Variants in CLIP4 observed in about 807,000 individuals in gnomAD.
CLIP4 encodes CAP-Gly domain containing linker protein family member 4, also known as CAP-Gly domain-containing linker protein 4.
A neutral mutation model predicts 73.1 loss-of-function variants in CLIP4; 47 were observed. The observed-to-expected ratio is 0.64, with a 90% CI of 0.51 to 0.82. CLIP4 has a LOEUF of 0.82. Ranked by LOEUF, CLIP4 falls within the 40% of genes least tolerant of loss-of-function variation. The probability of loss-of-function intolerance (pLI) is 0.00; values close to 1 mark genes in which losing one functional copy is unlikely to be tolerated. For missense variants in CLIP4, 874 were observed against 852.9 expected (o/e 1.02, Z -0.31); for synonymous variants, 306 against 295.4 (o/e 1.04, Z -0.37).
At chr2:29,146,352 A>T (rs1666163790) in intron 8 of CLIP4, among the ~76,000 whole-genome samples, 1 of 152,090 alleles carries the variant, frequency 6.6e-6, no homozygotes, top group South Asian at 2.1e-4. Context: ...GAACTTGGAA[A>T]ACTGGAAAAA....
chr2:29,106,131 A>C (rs1264500973), intron 1 of CLIP4, among the ~76,000 whole-genome samples: 1 of 150,220 alleles, frequency 6.7e-6, no homozygotes, highest in Non-Finnish European at 1.5e-5. Flanking sequence ...TCTTCTATTT[A>C]CTATGTGATC....
chr2:29,104,028 T>A (rs1318772733), intron 1 of CLIP4, among the ~76,000 whole-genome samples: 1 of 151,982 alleles, frequency 6.6e-6, no homozygotes, highest in African/African-American at 2.4e-5. Flanking sequence ...GTTTTTAAAC[T>A]GAGGCCCGCA....
intron 2 of CLIP4, among the ~76,000 whole-genome samples, chr2:29,126,140 C>A (rs1037247710): frequency 1.3e-5 from 2 of 152,260 alleles, no homozygotes; most frequent in East Asian, 1.9e-4. Context: ...TCACTGAGAT[C>A]GGCCACTGCA....
intron 6 of CLIP4, among the ~76,000 whole-genome samples, chr2:29,139,933 A>G (rs1013595464): frequency 2.5e-4 from 38 of 151,426 alleles, no homozygotes; most frequent in Admixed American, 1.3e-3. Context: ...CCATCTTTTC[A>G]TTTTGCTGAT....
intron 14 of CLIP4, among the ~76,000 whole-genome samples, chr2:29,169,382 TCTC>T (rs1241980802): frequency 2.0e-5 from 3 of 149,576 alleles, no homozygotes; most frequent in Non-Finnish European, 4.4e-5. Flanking sequence ...TGTGTCCCAC[TCTC>T]CTCATAAAGA....
chr2:29,107,367 T>TTTTTTTTTTTGTTTTTTTTG (rs1668247893), intron 1 of CLIP4, among the ~76,000 whole-genome samples: 1 of 111,172 alleles, frequency 9.0e-6, no homozygotes, highest in African/African-American at 3.7e-5. Flanking sequence ...AGTTTTTTTT[T>TTTTTTTTTTTGTTTTTTTTG]TTTTTTTTTT....
intron 1 of CLIP4, among the ~76,000 whole-genome samples, chr2:29,119,306 C>T (rs1664092488): frequency 6.6e-6 from 1 of 152,148 alleles, no homozygotes; most frequent in African/African-American, 2.4e-5. Flanking sequence ...CCTGTGGTGA[C>T]TGCTAGTTGT....
At chr2:29,133,540 A>G in intron 4 of CLIP4, 115 bp from the exon 5 acceptor site, 1 of 808,880 alleles carries the variant, frequency 1.2e-6, no homozygotes, top group Non-Finnish European at 1.8e-6. Flanking sequence ...AAATTTTTGA[A>G]GTGTGTCTAT....
chr2:29,167,077 A>G (rs1181305056), intron 13 of CLIP4, among the ~76,000 whole-genome samples: 1 of 152,206 alleles, frequency 6.6e-6, no homozygotes, highest in Non-Finnish European at 1.5e-5. Flanking sequence ...AATCACTCAC[A>G]CAAACTCAGC....
intron 6 of CLIP4, 74 bp downstream of exon 6, chr2:29,135,740 T>A: frequency 9.6e-7 from 1 of 1,036,414 alleles, no homozygotes; most frequent in Non-Finnish European, 1.4e-6. Context: ...ATGTTGAATC[T>A]GAATGTTATT....
chr2:29,165,496 T>G (rs1667549956), intron 13 of CLIP4, among the ~76,000 whole-genome samples: 1 of 152,342 alleles, frequency 6.6e-6, no homozygotes, highest in Non-Finnish European at 1.5e-5. Flanking sequence ...AGTATCAGCA[T>G]GTGTGCCCTT....
chr2:29,150,810 G>A (rs1350417199), intron 8 of CLIP4, among the ~76,000 whole-genome samples: 1 of 151,892 alleles, frequency 6.6e-6, no homozygotes, highest in African/African-American at 2.4e-5. Context: ...AGTAGAGATG[G>A]GGTTTCACCA....
intron 14 of CLIP4, among the ~76,000 whole-genome samples, chr2:29,170,204 G>A (rs990107103): frequency 5.9e-5 from 9 of 152,154 alleles, no homozygotes; most frequent in African/African-American, 2.2e-4. Flanking sequence ...TGGGAATCGT[G>A]CTTCAGTAAA....
At position 29,152,680 on chromosome 2, in the gene CLIP4, C is replaced by G; in HGVS notation, c.1022-5C>G. 6.2e-7 allele frequency: 1 copy of G among 1,611,892 alleles called. No homozygotes were observed. Among genetic ancestry groups the G allele is most frequent in the African/African-American group, 1.3e-5 (1 of 74,942 alleles). On this transcript the variant is annotated splice_region_variant and splice_polypyrimidine_tract_variant and intron_variant, in intron 8 of 15. Coordinates refer to ENST00000320081, the MANE Select transcript of CLIP4 (RefSeq NM_024692.6). ...TTAACACTAAAATTCTGCATTCTCC[C>G]TTAGGTATTTTTGCACCTCTTTCAA...
intron 1 of CLIP4, among the ~76,000 whole-genome samples, chr2:29,117,598 T>C (rs1162906065): frequency 6.6e-6 from 1 of 152,190 alleles, no homozygotes; most frequent in Non-Finnish European, 1.5e-5. Context: ...TCCCGAAGTG[T>C]TGGGATTACA....
At chr2:29,110,585 T>G (rs1668359867), upstream of CLIP4, among the ~76,000 whole-genome samples, 1 of 152,218 alleles carries the variant, frequency 6.6e-6, no homozygotes, top group Admixed American at 6.5e-5. Context: ...TGATATGTAA[T>G]GTATGCTGTA....
chr2:29,150,144 C>G (rs555654003), intron 8 of CLIP4, among the ~76,000 whole-genome samples: 4 of 152,174 alleles, frequency 2.6e-5, no homozygotes, highest in Non-Finnish European at 5.9e-5. Flanking sequence ...CAATTCCACC[C>G]AGCACTGCTG....
chr2:29,151,593 T>C (rs1274305553), intron 8 of CLIP4, among the ~76,000 whole-genome samples: 1 of 152,162 alleles, frequency 6.6e-6, no homozygotes, highest in Non-Finnish European at 1.5e-5. Context: ...AATTTTAAGA[T>C]TAGCAGGAAA....
intron 12 of CLIP4, among the ~76,000 whole-genome samples, chr2:29,161,384 A>G (rs1000949923): frequency 6.6e-6 from 1 of 152,194 alleles, no homozygotes; most frequent in Non-Finnish European, 1.5e-5. Flanking sequence ...ACATGGTGGC[A>G]TTGCAGCATT....
Sources: allele counts gnomAD v4.1 joint callset (sites outside exome capture counted in the v4.1 genomes callset), GRCh38; gene constraint gnomAD v4.1.1; transcripts MANE v1.5; gene names NCBI Gene and HGNC (gene_info 2026-07-23, HGNC 2026-07-21).